Variants in ZNF638 observed in about 807,000 individuals in gnomAD.
ZNF638 encodes CTCL tumor antigen se33-1.
Under a neutral mutation model 195.6 loss-of-function variants are expected in ZNF638, and 46 were observed. That is an observed-to-expected ratio of 0.24 (90% confidence interval 0.19 to 0.30). The LOEUF is 0.30. Among genes scored for constraint, ZNF638 ranks in the 10% least tolerant of loss-of-function variants. The pLI, the probability that ZNF638 is intolerant of heterozygous loss-of-function variation, is 1.00. For synonymous variants in ZNF638, 845 were observed against 772.0 expected (o/e 1.09, Z -1.57); for missense variants, 2,440 against 2,325.3 (o/e 1.05, Z -1.01).
intron 3 of ZNF638, 101 bp from the exon 4 acceptor site, chr2:71,363,051 TA>T: frequency 1.2e-6 from 1 of 840,628 alleles, no homozygotes; most frequent in Non-Finnish European, 2.0e-6. Context: ...TTATTTCCAA[TA>T]AAAGTTGTGA....
chr2:71,359,216 T>G (rs1044245936), intron 3 of ZNF638, among the ~76,000 whole-genome samples: 5 of 152,194 alleles, frequency 3.3e-5, no homozygotes, highest in Non-Finnish European at 5.9e-5. Context: ...GTCTGTGTGT[T>G]GAAGACTCTG....
Position 71,363,142 on chromosome 2 carries a change from T to G in ZNF638, c.1380-11T>G. 5.7e-6 allele frequency: 9 copies of G among 1,591,452 alleles called. No homozygotes were observed. The highest frequency in any genetic ancestry group is 7.7e-6 in the Non-Finnish European group (9 of 1,165,004). On this transcript the variant is annotated splice_polypyrimidine_tract_variant and intron_variant, in intron 3 of 27. Coordinates refer to ENST00000264447, the MANE Select transcript of ZNF638 (RefSeq NM_014497.5). ...TTAGCTGTTAGTTAATATTGTTTAT[T>G]TTCAAAATAGGTATCCTGATTGGAA...
intron 1 of ZNF638, among the ~76,000 whole-genome samples, chr2:71,332,307 A>G (rs2078585618): frequency 6.6e-6 from 1 of 152,158 alleles, no homozygotes; most frequent in African/African-American, 2.4e-5. Context: ...GCAGGGAGGA[A>G]GCGTTCCCGT....
intron 27 of ZNF638, 101 bp downstream of exon 27, chr2:71,433,384 T>C (rs2080705954): frequency 2.4e-6 from 2 of 840,042 alleles, no homozygotes; most frequent in Non-Finnish European, 3.9e-6. Context: ...TTTAGGAGAA[T>C]GTTTATGCCA....
intron 1 of ZNF638, chr2:71,341,926 T>G (rs1422890794): frequency 6.6e-6 from 1 of 152,196 alleles, no homozygotes; most frequent in Non-Finnish European, 1.5e-5. Flanking sequence ...GGCAGAGGCT[T>G]TATTTTCTTC....
chr2:71,433,179 G>A lies in ZNF638; in HGVS notation c.5767G>A (p.Val1923Ile), dbSNP rs746960396. 1.6e-5 allele frequency: 26 copies of A among 1,611,260 alleles called. No homozygotes were observed. In the South Asian group the frequency reaches 2.9e-4, roughly 18 times the overall value. Residue 1923 changes from valine (V) to isoleucine (I), a missense_variant, in exon 27 of 28, where the codon GTA (valine) becomes ATA (isoleucine). Coordinates refer to ENST00000264447, the MANE Select transcript of ZNF638 (RefSeq NM_014497.5). ...TTATCCTCTAGAATTAGACTTTCTT[G>A]TACCTAAGGCTGGATTCTTCTGTCC... ...SDVPEELDFL[V>I]PKAGFFCPIC...
At chr2:71,356,297 C>T (rs2079021678) in intron 3 of ZNF638, among the ~76,000 whole-genome samples, 1 of 152,152 alleles carries the variant, frequency 6.6e-6, no homozygotes, top group African/African-American at 2.4e-5. Context: ...AGACAGGGCA[C>T]CTGTGAAGTT....
At chr2:71,416,965 C>T (rs1215104982) in intron 20 of ZNF638, among the ~76,000 whole-genome samples, 1 of 150,814 alleles carries the variant, frequency 6.6e-6, no homozygotes, top group African/African-American at 2.5e-5. Context: ...GTGGAGCCTA[C>T]AGAGGCAGGC....
At chr2:71,408,663 G>A in intron 20 of ZNF638, 1 of 369,202 alleles carries the variant, frequency 2.7e-6, no homozygotes, top group South Asian at 2.2e-5. Context: ...GATTTCACAG[G>A]TTCTTGGCCT....
In ZNF638 at chr2:71,410,378, T is replaced by TGTGTG. The variant is rs1553484356; in HGVS notation, c.3261+2131_3261+2132insGTGTG. 4.6e-3 allele frequency among the ~76,000 whole-genome samples: 692 copies of TGTGTG among 151,292 alleles called. 6 individuals are homozygous for TGTGTG. Among genetic ancestry groups the TGTGTG allele is most frequent in the Admixed American group, 0.015 (229 of 15,204 alleles). On this transcript the variant is annotated intron_variant, in intron 20 of 27. Transcript: ENST00000264447. The stretch of plus-strand genomic sequence containing the variant: ...TTTTATTTGATTTTTGATTTTTTTT[T>TGTGTG]TGTGTGTGTGTGTGTGTAGATGGGG...
chr2:71,383,570 T>G (rs1415794996), intron 10 of ZNF638, among the ~76,000 whole-genome samples: 39 of 147,344 alleles, frequency 2.6e-4, no homozygotes, highest in Non-Finnish European at 4.6e-4. Flanking sequence ...GTTTTTTTTT[T>G]TTTTTTTTTT....
At chr2:71,419,974 C>CCCCCTTTTTTTT (rs1189202093) in intron 21 of ZNF638, among the ~76,000 whole-genome samples, 6 of 27,022 alleles carry the variant, frequency 2.2e-4, no homozygotes, top group African/African-American at 3.2e-4. Flanking sequence ...CCCCCCCCGC[C>CCCCCTTTTTTTT]TTTTTTTTTT....
At chr2:71,380,344 T>C (rs1245320692) in intron 9 of ZNF638, 64 bp downstream of exon 9, 10 of 1,278,090 alleles carry the variant, frequency 7.8e-6, no homozygotes, top group East Asian at 2.5e-5. Flanking sequence ...AAATTTTAAT[T>C]TTTAAAACCG....
At chr2:71,333,238 C>T (rs1168568540) in intron 1 of ZNF638, among the ~76,000 whole-genome samples, 14 of 152,106 alleles carry the variant, frequency 9.2e-5, no homozygotes, top group Non-Finnish European at 5.9e-5. Context: ...ACTCCATATT[C>T]TGTAATATGT....
intron 1 of ZNF638, among the ~76,000 whole-genome samples, chr2:71,343,550 C>T (rs542090308): frequency 3.3e-5 from 5 of 152,098 alleles, no homozygotes; most frequent in Admixed American, 1.3e-4. Context: ...TGGAAGTGAT[C>T]GAGTAGAAGG....
rs1005351143 is a variant in ZNF638, at chr2:71,410,450, C to T, written c.3261+2203C>T. 3.3e-5 allele frequency among the ~76,000 whole-genome samples: 5 copies of T among 152,050 alleles called. No homozygotes were observed. The South Asian group carries it at 8.3e-4, about 25-fold the overall frequency. ...GGTCTCAAACTTCTGGCCTGAAGTG[C>T]TCCTCCACCCTGGGCCTTCCAAAGT... On this transcript the variant is annotated intron_variant, in intron 20 of 27. Transcript: ENST00000264447.
At chr2:71,342,580 T>C (rs1394422212) in intron 1 of ZNF638, among the ~76,000 whole-genome samples, 1 of 152,124 alleles carries the variant, frequency 6.6e-6, no homozygotes, top group Non-Finnish European at 1.5e-5. Flanking sequence ...AGAAAAGGCA[T>C]TGGGATGATG....
chr2:71,333,849 A>G (rs550179708), intron 1 of ZNF638, among the ~76,000 whole-genome samples: 8 of 152,198 alleles, frequency 5.3e-5, no homozygotes, highest in Non-Finnish European at 1.2e-4. Flanking sequence ...GAAAGCTCGT[A>G]TTCCTTGGCA....
chr2:71,433,613 A>G (rs1031362872), intron 27 of ZNF638: 21 of 181,030 alleles, frequency 1.2e-4, no homozygotes, highest in African/African-American at 5.0e-4. Context: ...TCTAGCCAGA[A>G]TGAATCCTGG....
Sources: allele counts gnomAD v4.1 joint callset (sites outside exome capture counted in the v4.1 genomes callset), GRCh38; gene constraint gnomAD v4.1.1; transcripts MANE v1.5; gene names NCBI Gene and HGNC (gene_info 2026-07-23, HGNC 2026-07-21).